SPINK8: variants seen among roughly 807,000 people sequenced by gnomAD.
SPINK8 encodes the protein serine protease inhibitor Kazal-type 8.
Under a neutral mutation model 14.4 loss-of-function variants are expected in SPINK8, and 12 were observed. The observed-to-expected ratio is 0.83, with a 90% CI of 0.53 to 1.35. SPINK8 has a LOEUF of 1.35. Ranked by LOEUF, SPINK8 falls within the 40% of genes most tolerant of loss-of-function variation. The pLI, the probability that SPINK8 is intolerant of heterozygous loss-of-function variation, is 0.00. For synonymous variants in SPINK8, 32 were observed against 37.6 expected (o/e 0.85, Z 0.55); for missense variants, 103 against 117.0 (o/e 0.88, Z 0.55).
At chr3:48,309,114 T>G (rs1424258905) in intron 7 of SPINK8, among the ~76,000 whole-genome samples, 1 of 152,246 alleles carries the variant, frequency 6.6e-6, no homozygotes, top group East Asian at 1.9e-4. Context: ...TGTGAGTTTG[T>G]CATGGAGATG....
At chr3:48,330,858 C>A (rs1368630609) in intron 2 of SPINK8, among the ~76,000 whole-genome samples, 1 of 151,550 alleles carries the variant, frequency 6.6e-6, no homozygotes, top group African/African-American at 2.4e-5. Context: ...TCAGTCCCCG[C>A]TCTCAACAGG....
chr3:48,307,088 C>A, intron 7 of SPINK8, 85 bp from the exon 8 acceptor site: 1 of 1,279,458 alleles, frequency 7.8e-7, no homozygotes, highest in South Asian at 1.3e-5. Flanking sequence ...AACCATAGTT[C>A]AGCAGGGGAA....
intron 6 of SPINK8, among the ~76,000 whole-genome samples, chr3:48,313,444 A>G (rs1257521190): frequency 6.6e-6 from 1 of 152,200 alleles, no homozygotes; most frequent in African/African-American, 2.4e-5. Flanking sequence ...CACACCCACA[A>G]GGATGGATAT....
intron 6 of SPINK8, among the ~76,000 whole-genome samples, chr3:48,310,495 A>C (rs1188504933): frequency 3.4e-5 from 5 of 147,288 alleles, no homozygotes; most frequent in Non-Finnish European, 7.6e-5. Flanking sequence ...CCAAAAAAAA[A>C]ATTTTTTTTT....
chr3:48,307,024 T>G lies in SPINK8; in HGVS notation c.283-21A>C, dbSNP rs200345541. ...TTTTCCTGCAAGAGAAGTATCTGCTTAGAGAAATCAAATTTGAGGAAGTTA... is the reference window on the plus strand; with the variant it reads ...TTTTCCTGCAAGAGAAGTATCTGCTGAGAGAAATCAAATTTGAGGAAGTTA... On this transcript the variant is annotated intron_variant, in intron 7 of 7. Transcript: ENST00000434006. The G allele has an allele frequency of 1.7e-5, 28 of 1,611,856 alleles. No individual in the cohort carries two copies. The East Asian group carries it at 6.2e-4, about 36-fold the overall frequency.
intron 6 of SPINK8, among the ~76,000 whole-genome samples, chr3:48,310,267 AC>A (rs1347339374): frequency 6.6e-6 from 1 of 152,196 alleles, no homozygotes; most frequent in Admixed American, 6.5e-5. Flanking sequence ...ATCGCTACTG[AC>A]CTTACAGAAA....
intron 6 of SPINK8, among the ~76,000 whole-genome samples, chr3:48,318,785 T>C (rs1231673817): frequency 6.6e-6 from 1 of 152,244 alleles, no homozygotes; most frequent in Admixed American, 6.5e-5. Flanking sequence ...TTAATTCTGA[T>C]CTACTCTTGT....
intron 6 of SPINK8, among the ~76,000 whole-genome samples, chr3:48,318,575 G>A (rs1217236628): frequency 2.0e-5 from 3 of 152,212 alleles, no homozygotes; most frequent in African/African-American, 7.2e-5. Flanking sequence ...AGGTGTCAGC[G>A]TCTGTGCCAG....
chr3:48,333,615 C>A lies in SPINK8; in HGVS notation c.-322G>T, dbSNP rs1363598628. On this transcript the variant is annotated 5_prime_UTR_variant, in exon 1 of 8. It adds an upstream start codon to the 5' untranslated region. Coordinates refer to ENST00000434006, the MANE Select transcript of SPINK8 (RefSeq NM_001080525.3). ...TCTGGGCTGCTGGATTCTAGTGGTCCTTTACCAGCGTGCCTGACATTGCCT... is the reference window on the plus strand; with the variant it reads ...TCTGGGCTGCTGGATTCTAGTGGTCATTTACCAGCGTGCCTGACATTGCCT... 6.6e-6 allele frequency among the ~76,000 whole-genome samples: 1 copy of A among 152,146 alleles called. No homozygotes were observed. The highest frequency in any genetic ancestry group is 2.4e-5 in the African/African-American group (1 of 41,414).
intron 2 of SPINK8, among the ~76,000 whole-genome samples, chr3:48,331,946 C>T (rs2036269777): frequency 6.6e-6 from 1 of 152,228 alleles, no homozygotes; most frequent in Non-Finnish European, 1.5e-5. Flanking sequence ...TTGCCCCAGG[C>T]ACCCTCAGTC....
At chr3:48,317,357 G>A (rs1240845747) in intron 6 of SPINK8, among the ~76,000 whole-genome samples, 1 of 151,988 alleles carries the variant, frequency 6.6e-6, no homozygotes, top group Non-Finnish European at 1.5e-5. Flanking sequence ...GTGTGTTGGT[G>A]TGCGCCTGTA....
intron 5 of SPINK8, among the ~76,000 whole-genome samples, chr3:48,320,575 TATC>T (rs1030476071): frequency 2.0e-5 from 3 of 151,826 alleles, no homozygotes; most frequent in African/African-American, 7.3e-5. Flanking sequence ...TGATGAACAT[TATC>T]ATATGTGGTG....
chr3:48,316,750 G>A (rs1265409492), intron 6 of SPINK8, among the ~76,000 whole-genome samples: 4 of 152,078 alleles, frequency 2.6e-5, no homozygotes, highest in Non-Finnish European at 4.4e-5. Flanking sequence ...TCCAACCTGG[G>A]TGACAGAGTG....
chr3:48,320,603 G>T (rs561352608), intron 5 of SPINK8, among the ~76,000 whole-genome samples: 6 of 152,214 alleles, frequency 3.9e-5, no homozygotes, highest in African/African-American at 1.2e-4. Flanking sequence ...AGATGGCAGG[G>T]GCTGAAACTT....
chr3:48,332,116 C>T (rs755493911), intron 2 of SPINK8, among the ~76,000 whole-genome samples: 44 of 152,214 alleles, frequency 2.9e-4, no homozygotes, highest in Non-Finnish European at 6.0e-4. Flanking sequence ...GTAGACCGCA[C>T]TGGAATCAAA....
chr3:48,309,045 G>T (rs935611818), intron 7 of SPINK8, among the ~76,000 whole-genome samples: 10 of 152,196 alleles, frequency 6.6e-5, no homozygotes, highest in African/African-American at 2.4e-4. Context: ...AGAACATTCA[G>T]GTAATTGACC....
intron 4 of SPINK8, among the ~76,000 whole-genome samples, chr3:48,322,089 A>G (rs927924846): frequency 1.3e-5 from 2 of 152,112 alleles, no homozygotes; most frequent in African/African-American, 4.8e-5. Flanking sequence ...TGCTGGGATT[A>G]CAGATGTAAG....
Position 48,306,896 on chromosome 3 carries a change from A to G in SPINK8, c.*96T>C, listed in dbSNP as rs1051268058. 7.8e-7 allele frequency: 1 copy of G among 1,277,812 alleles called. No individual in the cohort carries two copies. 79.2% of individuals were successfully genotyped at this position (1,277,812 alleles called of 1,614,324 possible). A position where few individuals can be genotyped will look rare whatever the true frequency, so the allele number is the denominator to read the frequency against. ...ATAAATCAACGAGTTTGATCCAACC[A>G]TTAGTAATTAAAGGGGATATATTTG... On this transcript the variant is annotated 3_prime_UTR_variant, in exon 8 of 8. Transcript: ENST00000434006.
At chr3:48,315,063 C>T (rs1245553872) in intron 6 of SPINK8, among the ~76,000 whole-genome samples, 2 of 152,090 alleles carry the variant, frequency 1.3e-5, no homozygotes, top group Admixed American at 6.6e-5. Context: ...TTGGTTCCAG[C>T]CATTTAAGGA....
Sources: allele counts gnomAD v4.1 joint callset (sites outside exome capture counted in the v4.1 genomes callset), GRCh38; gene constraint gnomAD v4.1.1; transcripts MANE v1.5; gene names NCBI Gene and HGNC (gene_info 2026-07-23, HGNC 2026-07-21).